EML1: variants seen among roughly 807,000 people sequenced by gnomAD.
EML1 encodes EMAP like 1.
EML1 carries 27 observed loss-of-function variants against 110.4 expected under a neutral mutation model. That is an observed-to-expected ratio of 0.24 (90% CI 0.18 to 0.34). EML1 has a LOEUF of 0.34. Ranked by LOEUF, EML1 falls within the 10% of genes least tolerant of loss-of-function variation. The pLI, the probability that EML1 is intolerant of heterozygous loss-of-function variation, is 1.00. For synonymous variants in EML1, 344 were observed against 385.8 expected (o/e 0.89, Z 1.27); for missense variants, 741 against 1,030.9 (o/e 0.72, Z 3.85).
intron 1 of EML1, among the ~76,000 whole-genome samples, chr14:99,782,838 C>G (rs986818620): frequency 6.6e-6 from 1 of 152,090 alleles, no homozygotes; most frequent in Non-Finnish European, 1.5e-5. Flanking sequence ...CCTGGACTTT[C>G]CTGATACAAA....
chr14:99,857,784 A>C (rs1359352296), intron 2 of EML1, among the ~76,000 whole-genome samples: 1 of 152,226 alleles, frequency 6.6e-6, no homozygotes. Context: ...ATTCCACTGG[A>C]TGCAACATTT....
At chr14:99,900,181 C>CTTT (rs3071437) in intron 8 of EML1, among the ~76,000 whole-genome samples, 50 of 106,616 alleles carry the variant, frequency 4.7e-4, no homozygotes, top group Non-Finnish European at 6.6e-4. Context: ...ATATTAAGCT[C>CTTT]TTTTTTTTTT....
chr14:99,809,771 T>C (rs1026910231), intron 1 of EML1: 2 of 455,044 alleles, frequency 4.4e-6, no homozygotes, highest in African/African-American at 4.0e-5. Flanking sequence ...ATGTGGCTTT[T>C]AATCGTTTGT....
chr14:99,857,966 G>T (rs2058932730), intron 2 of EML1, among the ~76,000 whole-genome samples: 1 of 152,108 alleles, frequency 6.6e-6, no homozygotes, highest in Admixed American at 6.6e-5. Context: ...AAAACGCATG[G>T]TACAATGGAC....
chr14:99,874,840 A>G (rs1305421203), intron 3 of EML1: 2 of 1,235,874 alleles, frequency 1.6e-6, no homozygotes, highest in Non-Finnish European at 2.3e-6. Flanking sequence ...TGCGTCCTGC[A>G]ATTTACTGAA....
In EML1 at chr14:99,940,340, A is replaced by G. The variant is rs990761508; in HGVS notation, c.*228A>G. 7.6e-6 allele frequency: 3 copies of G among 396,768 alleles called. No individual in the cohort carries two copies. Among genetic ancestry groups the G allele is most frequent in the African/African-American group, 6.2e-5 (3 of 48,432 alleles). The allele number at this position is 396,768 out of a possible 1,614,324, so 24.6% of individuals were successfully genotyped here. On this transcript the variant is annotated 3_prime_UTR_variant, in exon 22 of 22. Coordinates refer to ENST00000262233, the MANE Select transcript of EML1 (RefSeq NM_004434.3). Reference sequence around the variant, plus strand: ...ATGACACAGTGCACATTGAATACCAACAAGGTTGCAACGTTTACATTATAG... The same window carrying G: ...ATGACACAGTGCACATTGAATACCAGCAAGGTTGCAACGTTTACATTATAG...
chr14:99,785,220 A>AT (rs2057585734), intron 1 of EML1, among the ~76,000 whole-genome samples: 1 of 151,972 alleles, frequency 6.6e-6, no homozygotes, highest in African/African-American at 2.4e-5. Context: ...ATGACTGGCT[A>AT]TTTTTTGTAT....
rs149449343 is a variant in EML1 at position 99,810,008 on chromosome 14, G to A, written c.67+16465G>A. ...GACAGCCGAGCCGGCCCTGTACCGC[G>A]TCTGGTTCCTGGGTGGTTCCTGCTG... On this transcript the variant is annotated intron_variant, in intron 1 of 21. Coordinates refer to ENST00000262233, the MANE Select transcript of EML1 (RefSeq NM_004434.3). Among the ~76,000 whole-genome samples the A allele has an allele frequency of 1.1e-4, 16 of 152,318 alleles. No individual in the cohort carries two copies. The East Asian group carries it at 2.5e-3, about 24-fold the overall frequency.
intron 1 of EML1, among the ~76,000 whole-genome samples, chr14:99,783,604 CCTCCTGAG>C (rs2057566960): frequency 6.6e-6 from 1 of 151,932 alleles, no homozygotes; most frequent in Non-Finnish European, 1.5e-5. Flanking sequence ...CCTGCCTCAG[CCTCCTGAG>C]TAGCTGGGAC....
chr14:99,818,546 G>T (rs960001336), intron 1 of EML1, among the ~76,000 whole-genome samples: 6 of 152,166 alleles, frequency 3.9e-5, no homozygotes, highest in Non-Finnish European at 7.3e-5. Context: ...GTGGGAAGAG[G>T]ATTAGAGGCA....
At chr14:99,799,897 G>A (rs1200755713) in intron 1 of EML1, among the ~76,000 whole-genome samples, 5 of 152,098 alleles carry the variant, frequency 3.3e-5, no homozygotes, top group South Asian at 2.1e-4. Flanking sequence ...CATTGAAAAC[G>A]GAACATGAAA....
chr14:99,835,402 C>T (rs1458242091), intron 1 of EML1, among the ~76,000 whole-genome samples: 1 of 151,790 alleles, frequency 6.6e-6, no homozygotes, highest in East Asian at 1.9e-4. Flanking sequence ...ATTTTATTTT[C>T]TCAGTGAACT....
upstream of EML1, among the ~76,000 whole-genome samples, chr14:99,771,008 T>C (rs901444755): frequency 1.3e-5 from 2 of 151,934 alleles, no homozygotes; most frequent in African/African-American, 4.8e-5. Flanking sequence ...ATGGTCTTGA[T>C]CTCCTGACCT....
At chr14:99,915,845 A>G (rs2060025316) in intron 15 of EML1, among the ~76,000 whole-genome samples, 1 of 152,076 alleles carries the variant, frequency 6.6e-6, no homozygotes, top group Non-Finnish European at 1.5e-5. Flanking sequence ...AAACCAACAC[A>G]TCATCCTTTC....
intron 1 of EML1, among the ~76,000 whole-genome samples, chr14:99,761,476 C>CT (rs2057313191): frequency 6.6e-6 from 1 of 152,278 alleles, no homozygotes; most frequent in South Asian, 2.1e-4. Context: ...CCTGGCTGCC[C>CT]TTCCCAAGGA....
intron 1 of EML1, among the ~76,000 whole-genome samples, chr14:99,739,734 T>A (rs964144395): frequency 1.1e-4 from 17 of 152,198 alleles, no homozygotes; most frequent in African/African-American, 4.1e-4. Flanking sequence ...TATTTACTTA[T>A]GGGTAGAAGG....
intron 17 of EML1, among the ~76,000 whole-genome samples, chr14:99,933,955 CGCAGTG>C (rs1465290882): frequency 2.6e-5 from 4 of 152,078 alleles, no homozygotes; most frequent in Non-Finnish European, 5.9e-5. Context: ...ATTAGCCAGG[CGCAGTG>C]GCATGTGCCT....
At chr14:99,833,812 C>A (rs1280681590) in intron 1 of EML1, among the ~76,000 whole-genome samples, 1 of 152,110 alleles carries the variant, frequency 6.6e-6, no homozygotes, top group Non-Finnish European at 1.5e-5. Flanking sequence ...TATAGAAATA[C>A]AATTGATTTT....
chr14:99,768,023 G>A (rs1268589493), upstream of EML1, among the ~76,000 whole-genome samples: 1 of 152,098 alleles, frequency 6.6e-6, no homozygotes, highest in Non-Finnish European at 1.5e-5. Context: ...ATCTGCCTTG[G>A]GCTGGTGGGC....
Sources: gnomAD v4.1 joint callset for allele counts (sites outside exome capture counted in the v4.1 genomes callset) on GRCh38, gnomAD v4.1.1 for gene constraint, MANE v1.5 for transcripts, NCBI Gene and HGNC (gene_info 2026-07-23, HGNC 2026-07-21) for gene names.